Variants in NTRK3 observed in about 807,000 individuals in gnomAD.
The protein encoded by NTRK3 is NT-3 growth factor receptor.
Under a neutral mutation model 91.7 loss-of-function variants are expected in NTRK3, and 24 were observed. That is an observed-to-expected ratio of 0.26 (90% CI 0.19 to 0.37). The LOEUF (loss-of-function observed/expected upper bound fraction) is 0.37. Ranked by LOEUF, NTRK3 falls within the 10% of genes least tolerant of loss-of-function variation. The pLI is 1.00. For synonymous variants in NTRK3, 483 were observed against 404.0 expected (o/e 1.20, Z -2.34); for missense variants, 880 against 1,068.9 (o/e 0.82, Z 2.46).
intron 5 of NTRK3, among the ~76,000 whole-genome samples, chr15:88,156,139 C>T (rs2043877097): frequency 6.6e-6 from 1 of 152,192 alleles, no homozygotes; most frequent in Admixed American, 6.5e-5. Context: ...CAGAATCCAG[C>T]AGTCACATAG....
chr15:88,092,688 T>G (rs2049134996), intron 13 of NTRK3, among the ~76,000 whole-genome samples: 1 of 152,230 alleles, frequency 6.6e-6, no homozygotes. Flanking sequence ...TCAGTAGGGC[T>G]GCACTCCCTC....
At chr15:87,894,684 C>A (rs772963632) in intron 17 of NTRK3, among the ~76,000 whole-genome samples, 2 of 152,162 alleles carry the variant, frequency 1.3e-5, no homozygotes, top group East Asian at 1.9e-4. Flanking sequence ...TGGAATGAAC[C>A]TTTCTCACTG....
chr15:88,212,128 G>T (rs1392616960), intron 3 of NTRK3, among the ~76,000 whole-genome samples: 1 of 152,204 alleles, frequency 6.6e-6, no homozygotes, highest in African/African-American at 2.4e-5. Context: ...CAGCACTTTG[G>T]GAGGCCGAGG....
chr15:88,107,982 G>C (rs1445860578), intron 13 of NTRK3, among the ~76,000 whole-genome samples: 1 of 152,080 alleles, frequency 6.6e-6, no homozygotes, highest in Non-Finnish European at 1.5e-5. Flanking sequence ...TACACTGTTG[G>C]GCAGGTAGGG....
exon 10 of NTRK3, chr15:88,135,368 G>A: frequency 6.2e-7 from 1 of 1,614,044 alleles, no homozygotes; most frequent in Non-Finnish European, 8.5e-7. Flanking sequence ...CGCAGCTCAG[G>A]CTCCTCCAGG....
At chr15:88,187,270 T>A (rs1339333154) in intron 3 of NTRK3, among the ~76,000 whole-genome samples, 1 of 152,134 alleles carries the variant, frequency 6.6e-6, no homozygotes, top group African/African-American at 2.4e-5. Context: ...CAGCAGGAGT[T>A]TATACACAGG....
chr15:88,256,035 T>C, exon 3 of NTRK3: 2 of 1,613,378 alleles, frequency 1.2e-6, no homozygotes, highest in Non-Finnish European at 1.7e-6. Context: ...GATCTCAGTC[T>C]TGCTGCAGAC....
chr15:88,174,325 G>A (rs1034466148), intron 5 of NTRK3, among the ~76,000 whole-genome samples: 15 of 152,008 alleles, frequency 9.9e-5, no homozygotes, highest in Admixed American at 2.6e-4. Flanking sequence ...AGAGCCAAAG[G>A]GATGTGCAAG....
At chr15:88,210,682 G>C (rs1216312355) in intron 3 of NTRK3, among the ~76,000 whole-genome samples, 3 of 152,216 alleles carry the variant, frequency 2.0e-5, no homozygotes, top group African/African-American at 7.2e-5. Flanking sequence ...AGTTTACAGA[G>C]TCTTTAGAGA....
chr15:87,990,058 A>G (rs1008271868), intron 14 of NTRK3, among the ~76,000 whole-genome samples: 2 of 152,066 alleles, frequency 1.3e-5, no homozygotes, highest in African/African-American at 4.8e-5. Context: ...TGGGACTTCA[A>G]TTATAAACCA....
At chr15:87,886,693 T>C (rs1387089904) in intron 17 of NTRK3, among the ~76,000 whole-genome samples, 2 of 141,018 alleles carry the variant, frequency 1.4e-5, no homozygotes, top group African/African-American at 2.7e-5. Flanking sequence ...TATATATATA[T>C]ATATATACAT....
chr15:88,090,818 C>G (rs531402530), intron 13 of NTRK3, among the ~76,000 whole-genome samples: 1 of 152,236 alleles, frequency 6.6e-6, no homozygotes, highest in Non-Finnish European at 1.5e-5. Flanking sequence ...TTCCCCCACC[C>G]AGGCAGCAAG....
intron 10 of NTRK3, among the ~76,000 whole-genome samples, chr15:88,130,567 C>T (rs1224857117): frequency 5.3e-5 from 8 of 152,028 alleles, no homozygotes; most frequent in Admixed American, 2.0e-4. Context: ...ATCGACATCA[C>T]GCGCCCCCGA....
chr15:88,046,721 C>G (rs748984761), intron 13 of NTRK3, among the ~76,000 whole-genome samples: 3 of 152,172 alleles, frequency 2.0e-5, no homozygotes, highest in Non-Finnish European at 4.4e-5. Context: ...TCCCCACACA[C>G]CTGGACAGCA....
At chr15:88,077,933 T>A (rs2047695278) in intron 13 of NTRK3, among the ~76,000 whole-genome samples, 1 of 152,106 alleles carries the variant, frequency 6.6e-6, no homozygotes, top group Non-Finnish European at 1.5e-5. Flanking sequence ...AGACAGAATC[T>A]CACAGGAAAT....
At chr15:88,126,009 G>T (rs2053248528) in intron 13 of NTRK3, among the ~76,000 whole-genome samples, 1 of 152,130 alleles carries the variant, frequency 6.6e-6, no homozygotes, top group East Asian at 1.9e-4. Flanking sequence ...TATCCTCATT[G>T]CATAAGCCCT....
intron 3 of NTRK3, among the ~76,000 whole-genome samples, chr15:88,242,923 C>T (rs1000169205): frequency 1.3e-5 from 2 of 152,228 alleles, no homozygotes; most frequent in Admixed American, 6.5e-5. Flanking sequence ...GAAGACAGTC[C>T]TTTGGAAAAC....
At chr15:88,145,072 C>A (rs902485822) in intron 6 of NTRK3, among the ~76,000 whole-genome samples, 3 of 152,180 alleles carry the variant, frequency 2.0e-5, no homozygotes, top group Admixed American at 2.0e-4. Context: ...CACAACCCAT[C>A]CCCACGCCCC....
chr15:88,184,357 T>G, intron 3 of NTRK3, 58 bp from the exon 4 acceptor site: 2 of 1,539,444 alleles, frequency 1.3e-6, no homozygotes, highest in Non-Finnish European at 1.8e-6. Context: ...GGGGCTGGCT[T>G]TGGAGCCACA....
Sources: gnomAD v4.1 joint callset for allele counts (sites outside exome capture counted in the v4.1 genomes callset) on GRCh38, gnomAD v4.1.1 for gene constraint, MANE v1.5 for transcripts, NCBI Gene and HGNC (gene_info 2026-07-23, HGNC 2026-07-21) for gene names.